The following GGTA1 variants were observed in gnomAD, a reference collection of about 807,000 sequenced individuals.
The protein encoded by GGTA1 is glycoprotein alpha-galactosyltransferase 1 (inactive).
In GGTA1, 5 loss-of-function variants were observed where a neutral mutation model predicts 2.6. That is an observed-to-expected ratio of 1.92 (90% CI 1.00 to 4.04). GGTA1 has a LOEUF of 4.04. Ranked by LOEUF, GGTA1 falls within the 30% of genes most tolerant of loss-of-function variation. GGTA1 has a pLI of 0.00. For synonymous variants in GGTA1, 17 were observed against 5.0 expected (o/e 3.38, Z -3.19); for missense variants, 50 against 16.7 (o/e 2.99, Z -3.47).
chr9:121,491,652 C>T (rs891710055), intron 1 of GGTA1, among the ~76,000 whole-genome samples: 2 of 151,930 alleles, frequency 1.3e-5, no homozygotes, highest in Admixed American at 6.6e-5. Flanking sequence ...CTCTGTCACC[C>T]AGGCTAGAGT....
At chr9:121,486,187 C>T (rs1383500782) in intron 1 of GGTA1, among the ~76,000 whole-genome samples, 1 of 152,178 alleles carries the variant, frequency 6.6e-6, no homozygotes, top group Non-Finnish European at 1.5e-5. Context: ...GATGAGTGGC[C>T]CATTTCTCTG....
intron 1 of GGTA1, among the ~76,000 whole-genome samples, chr9:121,495,363 C>T (rs746916700): frequency 5.3e-5 from 8 of 151,866 alleles, no homozygotes; most frequent in Non-Finnish European, 1.0e-4. Flanking sequence ...CTGGACAACA[C>T]GGTGAAATCC....
chr9:121,464,257 A>G (rs2064985251), intron 2 of GGTA1, among the ~76,000 whole-genome samples: 1 of 151,674 alleles, frequency 6.6e-6, no homozygotes. Flanking sequence ...TACTCAATAA[A>G]TATTTGTGAA....
chr9:121,498,421 A>C (rs1029966496), intron 1 of GGTA1, among the ~76,000 whole-genome samples: 4 of 152,230 alleles, frequency 2.6e-5, no homozygotes, highest in Non-Finnish European at 4.4e-5. Context: ...GTAGTCAAAG[A>C]AGCACAGAAA....
intron 5 of GGTA1, among the ~76,000 whole-genome samples, chr9:121,458,755 C>T (rs1254930240): frequency 6.6e-6 from 1 of 152,048 alleles, no homozygotes; most frequent in Non-Finnish European, 1.5e-5. Context: ...AGGGTGAAAG[C>T]TGGTGACTAT....
At chr9:121,486,212 T>A (rs915634020) in intron 1 of GGTA1, among the ~76,000 whole-genome samples, 5 of 152,234 alleles carry the variant, frequency 3.3e-5, no homozygotes, top group African/African-American at 1.2e-4. Context: ...AAGGGCTATC[T>A]GACAGGAGAA....
chr9:121,467,340 ACTCT>A (rs897375540), intron 2 of GGTA1, among the ~76,000 whole-genome samples: 10 of 151,454 alleles, frequency 6.6e-5, no homozygotes, highest in South Asian at 6.3e-4. Context: ...ACCCACACAC[ACTCT>A]CTCTCTCTCT....
At chr9:121,456,636 G>T (rs554720863) in intron 5 of GGTA1, among the ~76,000 whole-genome samples, 1 of 151,918 alleles carries the variant, frequency 6.6e-6, no homozygotes. Flanking sequence ...GGCTGGTCTC[G>T]AACTCCCGAC....
At chr9:121,457,927 T>TTTTG (rs2064927018) in intron 5 of GGTA1, among the ~76,000 whole-genome samples, 1 of 150,568 alleles carries the variant, frequency 6.6e-6, no homozygotes, top group African/African-American at 2.4e-5. Flanking sequence ...TTTTTTTTTT[T>TTTTG]GAGACAGAGT....
intron 1 of GGTA1, among the ~76,000 whole-genome samples, chr9:121,491,847 T>C (rs1286840047): frequency 6.6e-6 from 1 of 152,126 alleles, no homozygotes; most frequent in African/African-American, 2.4e-5. Flanking sequence ...TGACCTCAAG[T>C]GATCTGCGTG....
intron 1 of GGTA1, among the ~76,000 whole-genome samples, chr9:121,478,717 C>T (rs772733322): frequency 2.6e-5 from 4 of 152,168 alleles, no homozygotes; most frequent in Admixed American, 6.5e-5. Context: ...GGCCCACTGT[C>T]GCTCCAGCCA....
downstream of GGTA1, among the ~76,000 whole-genome samples, chr9:121,454,868 G>C (rs2064898030): frequency 6.6e-6 from 1 of 152,072 alleles, no homozygotes; most frequent in Non-Finnish European, 1.5e-5. Flanking sequence ...TACAAAATTA[G>C]CCAGGCGTGG....
chr9:121,471,798 A>T (rs1023168563), intron 1 of GGTA1, among the ~76,000 whole-genome samples: 2 of 152,238 alleles, frequency 1.3e-5, no homozygotes, highest in African/African-American at 2.4e-5. Flanking sequence ...CAGAAAAGGC[A>T]GATGGCTGCA....
chr9:121,451,584 C>G (rs1042051433), downstream of GGTA1, among the ~76,000 whole-genome samples: 2 of 152,186 alleles, frequency 1.3e-5, no homozygotes, highest in Admixed American at 1.3e-4. Context: ...TTTGGAAGAG[C>G]AAGCTCTGAC....
chr9:121,477,262 G>A (rs950554584), intron 1 of GGTA1, among the ~76,000 whole-genome samples: 6 of 152,160 alleles, frequency 3.9e-5, no homozygotes, highest in African/African-American at 1.4e-4. Flanking sequence ...GTAATAAAAA[G>A]CACCCATTGA....
chr9:121,498,803 C>T (rs1467614939), intron 1 of GGTA1, among the ~76,000 whole-genome samples: 2 of 152,192 alleles, frequency 1.3e-5, no homozygotes, highest in Admixed American at 6.5e-5. Flanking sequence ...CAGTCCCTCC[C>T]GGCCGCCACA....
intron 2 of GGTA1, among the ~76,000 whole-genome samples, chr9:121,466,162 T>C (rs956735480): frequency 6.6e-6 from 1 of 152,174 alleles, no homozygotes; most frequent in Admixed American, 6.5e-5. Context: ...TCAAGCAATC[T>C]GTCCTCCTTG....
rs576854412 is a variant in GGTA1 at position 121,477,778 on chromosome 9, C to T, written c.-9-9847G>A. Among the ~76,000 whole-genome samples, 8 of 151,952 alleles carry T rather than the reference C, an allele frequency of 5.3e-5. No homozygotes were observed. The East Asian group carries it at 1.6e-3, about 29-fold the overall frequency. Reference sequence around the variant, plus strand: ...AATTTTTAGTAGAGACGGGGTTTCACCATGTTGGCCATGATGGTCTCGATT... The same window carrying T: ...AATTTTTAGTAGAGACGGGGTTTCATCATGTTGGCCATGATGGTCTCGATT... On this transcript the variant is annotated intron_variant, in intron 1 of 5. Coordinates refer to ENST00000481799, the MANE Select transcript of GGTA1 (RefSeq NM_001382585.1).
intron 4 of GGTA1, 120 bp from the exon 5 acceptor site, chr9:121,460,339 T>G (rs137970380): frequency 2.5e-6 from 1 of 395,038 alleles, no homozygotes; most frequent in African/African-American, 2.1e-5. Context: ...CTAAGTGAAC[T>G]GACCAGAAAA....
Sources: allele counts gnomAD v4.1 joint callset (sites outside exome capture counted in the v4.1 genomes callset), GRCh38; gene constraint gnomAD v4.1.1; transcripts MANE v1.5; gene names NCBI Gene and HGNC (gene_info 2026-07-23, HGNC 2026-07-21).